SLC26A7: variants seen among roughly 807,000 people sequenced by gnomAD.
SLC26A7 encodes solute carrier family 26 member 7, also known as anion exchange transporter.
In SLC26A7, 59 loss-of-function variants were observed where a neutral mutation model predicts 82.5. The observed-to-expected ratio is 0.72, with a 90% CI of 0.58 to 0.89. SLC26A7 has a LOEUF of 0.89. Ranked by LOEUF, SLC26A7 falls within the 40% of genes least tolerant of loss-of-function variation. The pLI, the probability that SLC26A7 is intolerant of heterozygous loss-of-function variation, is 0.00. For synonymous variants in SLC26A7, 271 were observed against 274.3 expected, an observed-to-expected ratio of 0.99 and a Z score of 0.12; for missense variants, 820 against 793.0, an observed-to-expected ratio of 1.03 and a Z score of -0.41.
Position 91,366,637 on chromosome 8 carries a change from G to A in SLC26A7, c.1546G>A (p.Ala516Thr). ...AAACAACCCGCTTGTTTTCCTGAATGCAAAAAAATTTTATACTGATTTAAT... is the reference window on the plus strand; with the variant it reads ...AAACAACCCGCTTGTTTTCCTGAATACAAAAAAATTTTATACTGATTTAAT... ...SINNPLVFLN[A>T]KKFYTDLMNM... Residue 516 changes from alanine (A) to threonine (T), a missense_variant, in exon 14 of 19, where the codon GCA becomes ACA. Physicochemically the swap from Ala to Thr is moderately conservative, Grantham distance 58 (BLOSUM62 0). Coordinates refer to ENST00000276609, the MANE Select transcript of SLC26A7 (RefSeq NM_052832.4). The A allele has an allele frequency of 1.2e-6, 2 of 1,613,354 alleles. No homozygotes were observed. The highest frequency in any genetic ancestry group is 8.5e-7 in the Non-Finnish European group (1 of 1,179,748).
At chr8:91,211,612 ATATATT>A (rs1464530327) in intron 1 of SLC26A7, among the ~76,000 whole-genome samples, 1 of 135,350 alleles carries the variant, frequency 7.4e-6, no homozygotes. Flanking sequence ...ATATATATAT[ATATATT>A]TTTTTTTTAT....
chr8:91,264,027 A>G (rs537384200), intron 2 of SLC26A7, among the ~76,000 whole-genome samples: 2 of 152,150 alleles, frequency 1.3e-5, no homozygotes, highest in South Asian at 2.1e-4. Flanking sequence ...ATAAGGTCTC[A>G]GCCAAAAAGA....
intron 9 of SLC26A7, among the ~76,000 whole-genome samples, chr8:91,350,587 A>G (rs1239432279): frequency 6.6e-6 from 1 of 152,044 alleles, no homozygotes; most frequent in Non-Finnish European, 1.5e-5. Context: ...TCAGAAAGTC[A>G]TATATATGAA....
chr8:91,225,677 C>CTTTTTTTTT (rs1810228173), intron 2 of SLC26A7, among the ~76,000 whole-genome samples: 1 of 20,076 alleles, frequency 5.0e-5, no homozygotes, highest in African/African-American at 2.2e-4. Context: ...TTTTTTTTTA[C>CTTTTTTTTT]CATTTTAACC....
intron 15 of SLC26A7, among the ~76,000 whole-genome samples, chr8:91,379,504 A>G (rs1321484851): frequency 6.6e-6 from 1 of 152,034 alleles, no homozygotes; most frequent in Non-Finnish European, 1.5e-5. Context: ...AGAGGGGGAA[A>G]ACCCTCACAT....
At chr8:91,328,388 A>G (rs971001332) in intron 5 of SLC26A7, among the ~76,000 whole-genome samples, 1 of 152,152 alleles carries the variant, frequency 6.6e-6, no homozygotes, top group Non-Finnish European at 1.5e-5. Context: ...AATTACTGCA[A>G]TGGTAGCTTT....
chr8:91,369,244 G>T (rs941623528), intron 14 of SLC26A7, among the ~76,000 whole-genome samples: 2 of 152,116 alleles, frequency 1.3e-5, no homozygotes, highest in African/African-American at 4.8e-5. Flanking sequence ...GACGAGTGAA[G>T]AAATATCAAC....
intron 15 of SLC26A7, among the ~76,000 whole-genome samples, chr8:91,378,723 A>G (rs1586471985): frequency 6.6e-6 from 1 of 151,698 alleles, no homozygotes; most frequent in African/African-American, 2.4e-5. Context: ...TCATTATACA[A>G]GTTTCAACAC....
intron 3 of SLC26A7, among the ~76,000 whole-genome samples, chr8:91,292,211 G>A (rs1031633211): frequency 2.0e-5 from 3 of 151,900 alleles, no homozygotes; most frequent in South Asian, 2.1e-4. Flanking sequence ...AGGCTGAGGC[G>A]GGGAGAATGG....
chr8:91,312,092 A>G (rs186679206), intron 4 of SLC26A7, among the ~76,000 whole-genome samples: 1 of 152,086 alleles, frequency 6.6e-6, no homozygotes, highest in East Asian at 1.9e-4. Context: ...GAAACTCTAT[A>G]CTCATTAGAT....
At chr8:91,338,318 T>C in intron 7 of SLC26A7, 86 bp downstream of exon 7, 5 of 801,352 alleles carry the variant, frequency 6.2e-6, no homozygotes, top group Non-Finnish European at 9.5e-6. Flanking sequence ...TGGGTATGGA[T>C]ATTTCATTTC....
At chr8:91,349,448 G>C (rs764111867) in intron 9 of SLC26A7, among the ~76,000 whole-genome samples, 12 of 152,118 alleles carry the variant, frequency 7.9e-5, no homozygotes, top group Admixed American at 2.0e-4. Context: ...ATATTATTTA[G>C]AGAAAAGCCC....
chr8:91,313,640 C>T (rs1409727722), intron 4 of SLC26A7, among the ~76,000 whole-genome samples: 1 of 152,172 alleles, frequency 6.6e-6, no homozygotes, highest in Non-Finnish European at 1.5e-5. Context: ...CATTCTTCTT[C>T]ATGGTCCTGG....
At chr8:91,279,165 A>G (rs1441335390) in intron 2 of SLC26A7, among the ~76,000 whole-genome samples, 2 of 106,802 alleles carry the variant, frequency 1.9e-5, no homozygotes, top group Non-Finnish European at 3.8e-5. Flanking sequence ...ATATATATAT[A>G]TGTATCACAT....
chr8:91,303,764 A>G (rs561093386), intron 4 of SLC26A7, among the ~76,000 whole-genome samples: 31 of 152,336 alleles, frequency 2.0e-4, no homozygotes, highest in African/African-American at 5.8e-4. Context: ...TAAGAGGATC[A>G]GGAGTATAGA....
At chr8:91,382,169 AT>A (rs1814687439) in intron 15 of SLC26A7, among the ~76,000 whole-genome samples, 1 of 152,148 alleles carries the variant, frequency 6.6e-6, no homozygotes, top group African/African-American at 2.4e-5. Context: ...GCTTTATTTC[AT>A]TCTGTGACAT....
intron 4 of SLC26A7, among the ~76,000 whole-genome samples, chr8:91,306,299 C>T (rs1006462561): frequency 2.6e-5 from 4 of 152,144 alleles, no homozygotes; most frequent in Admixed American, 6.6e-5. Flanking sequence ...CTTTTGTATG[C>T]GTGGTTTATA....
chr8:91,323,428 G>A (rs182655102), intron 5 of SLC26A7, among the ~76,000 whole-genome samples: 2 of 152,242 alleles, frequency 1.3e-5, no homozygotes, highest in East Asian at 3.9e-4. Context: ...ACTGAAAAAT[G>A]CATCAACACA....
upstream of SLC26A7, among the ~76,000 whole-genome samples, chr8:91,248,117 G>T (rs1012666202): frequency 5.3e-5 from 8 of 152,074 alleles, no homozygotes; most frequent in Non-Finnish European, 1.2e-4. Flanking sequence ...TCTAAATGGG[G>T]CTCTCTCTAC....
Sources: allele counts gnomAD v4.1 joint callset (sites outside exome capture counted in the v4.1 genomes callset), GRCh38; gene constraint gnomAD v4.1.1; transcripts MANE v1.5; gene names NCBI Gene and HGNC (gene_info 2026-07-23, HGNC 2026-07-21).